Variants in HDAC8 observed in about 807,000 individuals in gnomAD.
HDAC8 encodes the protein histone deacetylase 8, also known as histone deacetylase-like 1.
In HDAC8, 1 loss-of-function variant was observed where a neutral mutation model predicts 32.2. The observed-to-expected ratio is 0.03, with a 90% CI of 0.01 to 0.15. The LOEUF (loss-of-function observed/expected upper bound fraction) is 0.15, where lower values mean the gene tolerates loss of function less well. Ranked by LOEUF, HDAC8 falls within the 10% of genes least tolerant of loss-of-function variation. The pLI, the probability that HDAC8 is intolerant of heterozygous loss-of-function variation, is 1.00. For synonymous variants in HDAC8, 108 were observed against 113.9 expected (o/e 0.95, Z 0.33); for missense variants, 117 against 300.0 (o/e 0.39, Z 4.51).
intron 10 of HDAC8, among the ~76,000 whole-genome samples, chrX:72,331,192 G>A (rs191976979): frequency 0.012 from 1,273 of 110,111 alleles, 12 homozygotes; most frequent in Admixed American, 0.037. Context: ...TGATCCACCC[G>A]ACTCGGCCTC....
At chrX:72,528,862 G>T (rs189854498) in intron 4 of HDAC8, among the ~76,000 whole-genome samples, 137 of 112,313 alleles carry the variant, frequency 1.2e-3, no homozygotes, top group African/African-American at 4.1e-3. Flanking sequence ...ACAACTGTTT[G>T]CTGAATTGTA....
At chrX:72,343,930 G>T (rs1170613610) in intron 10 of HDAC8, among the ~76,000 whole-genome samples, 2 of 113,069 alleles carry the variant, frequency 1.8e-5, no homozygotes, top group Non-Finnish European at 3.7e-5. Context: ...AGGCAGAGTA[G>T]AAAGTCAGGA....
At chrX:72,515,270 A>T (rs1401623604) in intron 4 of HDAC8, among the ~76,000 whole-genome samples, 2 of 111,109 alleles carry the variant, frequency 1.8e-5, no homozygotes, top group African/African-American at 6.6e-5. Context: ...TAGATTTCAC[A>T]TATAAGTGAA....
At position 72,456,738 on chromosome X, in the gene HDAC8, G is replaced by A. The variant is rs1034308474; in HGVS notation, c.1005+5266C>T. 5.4e-5 allele frequency among the ~76,000 whole-genome samples: 6 copies of A among 111,310 alleles called. No individual in the cohort carries two copies. The East Asian group carries it at 8.4e-4, about 16-fold the overall frequency. On this transcript the variant is annotated intron_variant, in intron 9 of 10. Coordinates refer to ENST00000373573, the MANE Select transcript of HDAC8 (RefSeq NM_018486.3). ...CGCGTGAACCCGAGAGGCGGAGGTT[G>A]CAGTGAGCCAAGATTGCACCACTGC...
intron 4 of HDAC8, among the ~76,000 whole-genome samples, chrX:72,548,584 C>T (rs782567456): frequency 8.9e-6 from 1 of 112,039 alleles, no homozygotes; most frequent in African/African-American, 3.2e-5. Context: ...GTCTCACTGG[C>T]ACATCCCTTT....
chrX:72,356,866 G>T (rs1006423689), intron 9 of HDAC8, among the ~76,000 whole-genome samples: 1 of 111,362 alleles, frequency 9.0e-6, no homozygotes, highest in Non-Finnish European at 1.9e-5. Flanking sequence ...TTAGAGGCAC[G>T]AGCCACCATG....
chrX:72,488,891 G>T lies in HDAC8; in HGVS notation c.737+42C>A, dbSNP rs781884209. The T allele has an allele frequency of 1.2e-5, 10 of 832,346 alleles. No homozygotes were observed. The East Asian group carries it at 2.9e-4, about 24-fold the overall frequency. The allele number at this position is 832,346 out of a possible 1,213,427, so 68.6% of individuals were successfully genotyped here. ...GAGATGGGGGCCATTTCATCCTACA[G>T]AACTGCAATCCACTTATTACTGGCT... On this transcript the variant is annotated intron_variant, in intron 7 of 10. Coordinates refer to ENST00000373573, the MANE Select transcript of HDAC8 (RefSeq NM_018486.3).
chrX:72,371,271 C>T (rs1174389521), intron 9 of HDAC8, among the ~76,000 whole-genome samples: 1 of 111,713 alleles, frequency 9.0e-6, no homozygotes, highest in African/African-American at 3.3e-5. Flanking sequence ...GTTCATTATA[C>T]TCTTCTCTCT....
chrX:72,405,848 G>C (rs1266217089), intron 9 of HDAC8, among the ~76,000 whole-genome samples: 1 of 111,585 alleles, frequency 9.0e-6, no homozygotes, highest in Non-Finnish European at 1.9e-5. Flanking sequence ...CTTCATTGAG[G>C]TTTTTAATGT....
intron 4 of HDAC8, among the ~76,000 whole-genome samples, chrX:72,524,435 G>A (rs892915227): frequency 1.8e-5 from 2 of 111,689 alleles, no homozygotes; most frequent in Admixed American, 9.5e-5. Context: ...TGATCACAGC[G>A]CTCTTTCCCA....
At chrX:72,474,776 A>T in intron 7 of HDAC8, 1 of 818,637 alleles carries the variant, frequency 1.2e-6, no homozygotes, top group Non-Finnish European at 1.8e-6. Context: ...ATGCTTTTGG[A>T]TAAAAGAAAA....
chrX:72,357,627 G>A (rs1245700367), intron 9 of HDAC8, among the ~76,000 whole-genome samples: 2 of 111,020 alleles, frequency 1.8e-5, no homozygotes, highest in Non-Finnish European at 3.8e-5. Context: ...GTGGGCAGAG[G>A]CCTAATGGGA....
At chrX:72,559,268 C>T (rs1410129970) in intron 4 of HDAC8, among the ~76,000 whole-genome samples, 2 of 108,089 alleles carry the variant, frequency 1.9e-5, no homozygotes, top group African/African-American at 3.4e-5. Context: ...GACGGGGTTT[C>T]GCTGTGTTGG....
chrX:72,399,952 C>G (rs1555966868), intron 9 of HDAC8, among the ~76,000 whole-genome samples: 1 of 112,051 alleles, frequency 8.9e-6, no homozygotes, highest in Admixed American at 9.5e-5. Flanking sequence ...CTACCCATGA[C>G]TACACTGTTG....
At chrX:72,383,869 CA>C (rs782518910) in intron 9 of HDAC8, among the ~76,000 whole-genome samples, 2,012 of 29,514 alleles carry the variant, frequency 0.068, 69 homozygotes, top group African/African-American at 0.18. Context: ...GATGCCATCT[CA>C]AAAAAAAAAA....
Position 72,351,765 on chromosome X carries a change from T to C in HDAC8, c.1079A>G (p.His360Arg). 2.5e-6 allele frequency: 3 copies of C among 1,210,259 alleles called. No homozygotes were observed. Among genetic ancestry groups the C allele is most frequent in the Middle Eastern group, 4.6e-4 (2 of 4,348 alleles). ...PSCRPDRNEP[H>R]RIQQILNYIK... ...GTAGTTGAGGATTTGTTGGATTCGGTGGGGCTCATTGCGGTCTGGCCGGCA... is the reference window on the plus strand; with the variant it reads ...GTAGTTGAGGATTTGTTGGATTCGGCGGGGCTCATTGCGGTCTGGCCGGCA... The change falls in exon 10 of 11, where the codon CAC (histidine) becomes CGC (arginine). Residue 360 changes from histidine to arginine, a missense_variant. Transcript: ENST00000373573.
At chrX:72,554,075 G>C (rs1476883937) in intron 4 of HDAC8, among the ~76,000 whole-genome samples, 2 of 111,838 alleles carry the variant, frequency 1.8e-5, no homozygotes, top group African/African-American at 6.5e-5. Flanking sequence ...CTGTAATTTT[G>C]GGGATTCTCT....
chrX:72,477,186 G>T (rs1489808238), intron 7 of HDAC8, among the ~76,000 whole-genome samples: 3 of 111,841 alleles, frequency 2.7e-5, no homozygotes, highest in Non-Finnish European at 5.6e-5. Context: ...GGGGAAAGGG[G>T]AGTGTTGGAG....
intron 10 of HDAC8, among the ~76,000 whole-genome samples, chrX:72,338,716 AT>A (rs2043802297): frequency 1.0e-5 from 1 of 95,963 alleles, no homozygotes; most frequent in South Asian, 4.7e-4. Flanking sequence ...TATATATATA[AT>A]TTTTTTATTT....
Sources: gnomAD v4.1 joint callset for allele counts (sites outside exome capture counted in the v4.1 genomes callset) on GRCh38, gnomAD v4.1.1 for gene constraint, MANE v1.5 for transcripts, NCBI Gene and HGNC (gene_info 2026-07-23, HGNC 2026-07-21) for gene names.